HMGN3: variants seen among roughly 807,000 people sequenced by gnomAD.
HMGN3 encodes high mobility group nucleosomal binding domain 3, also known as high mobility group nucleosome-binding domain-containing protein 3.
A neutral mutation model predicts 18.8 loss-of-function variants in HMGN3; 6 were observed. That is an observed-to-expected ratio of 0.32 (90% CI 0.18 to 0.63). HMGN3 has a LOEUF of 0.63. HMGN3 is among the 30% of genes least tolerant of loss of function. HMGN3 has a pLI of 0.79. For synonymous variants in HMGN3, 40 were observed against 36.5 expected, an observed-to-expected ratio of 1.10 and a Z score of -0.35; for missense variants, 107 against 114.2, an observed-to-expected ratio of 0.94 and a Z score of 0.29.
At chr6:79,221,630 A>G (rs1358325051) in intron 1 of HMGN3, among the ~76,000 whole-genome samples, 2 of 152,176 alleles carry the variant, frequency 1.3e-5, no homozygotes, top group Non-Finnish European at 2.9e-5. Context: ...TCCAAACTCA[A>G]GAAGGTATCA....
chr6:79,234,563 T>C, exon 1 of HMGN3: 1 of 1,612,304 alleles, frequency 6.2e-7, no homozygotes, highest in Non-Finnish European at 8.5e-7. Context: ...TTCGGCATAA[T>C]GACTATGTCG....
At position 79,224,742 on chromosome 6, in the gene HMGN3, G is replaced by C. The variant is rs77038760; in HGVS notation, c.16-9720C>G. 8.6e-3 allele frequency among the ~76,000 whole-genome samples: 1,311 copies of C among 152,274 alleles called. 7 individuals are homozygous for C. The highest frequency in any genetic ancestry group is 0.014 in the Non-Finnish European group (931 of 68,004). ...TTCCAAGACGTCAAGTGACCTTCCC[G>C]AGGTAAAAAGTGGCAGAATTCACAC... On this transcript the variant is annotated intron_variant, in intron 1 of 5. Transcript: ENST00000344726.
At chr6:79,205,022 T>A (rs889652265) in intron 3 of HMGN3, among the ~76,000 whole-genome samples, 3 of 152,220 alleles carry the variant, frequency 2.0e-5, no homozygotes, top group African/African-American at 7.2e-5. Context: ...TCAAGTGTTT[T>A]GATAGGACCA....
chr6:79,208,679 T>A, intron 2 of HMGN3, 103 bp from the exon 3 acceptor site: 1 of 905,714 alleles, frequency 1.1e-6, no homozygotes, highest in Non-Finnish European at 1.9e-6. Context: ...GTTGAATGAC[T>A]ATAATGTATG....
At chr6:79,215,612 A>G (rs901806431) in intron 1 of HMGN3, among the ~76,000 whole-genome samples, 1 of 152,192 alleles carries the variant, frequency 6.6e-6, no homozygotes, top group Non-Finnish European at 1.5e-5. Flanking sequence ...TGCCACCCTC[A>G]GCTGATTTAT....
intron 1 of HMGN3, among the ~76,000 whole-genome samples, chr6:79,225,695 TAA>T (rs1777533123): frequency 6.6e-6 from 1 of 152,194 alleles, no homozygotes; most frequent in South Asian, 2.1e-4. Flanking sequence ...GAGAAAATTA[TAA>T]AGAGTCAGAC....
At chr6:79,231,523 T>TA (rs1408012864) in intron 1 of HMGN3, among the ~76,000 whole-genome samples, 4 of 152,310 alleles carry the variant, frequency 2.6e-5, no homozygotes, top group East Asian at 1.9e-4. Flanking sequence ...ATGGCATTTA[T>TA]AAAAAACCAC....
rs1561980826 is a variant in HMGN3 at position 79,202,469 on chromosome 6, A to C, written c.148-80T>G. On this transcript the variant is annotated intron_variant, in intron 4 of 5. Transcript: ENST00000344726. The stretch of plus-strand genomic sequence containing the variant: ...GCTAAAATCAATCAGCCTCTGTCCA[A>C]ACACAAGGTGAAGTACAACCGTTAC... The C allele has an allele frequency of 3.4e-6, 4 of 1,160,758 alleles. No individual in the cohort carries two copies. In the East Asian group the frequency reaches 9.3e-5, roughly 27 times the overall value. The allele number at this position is 1,160,758 out of a possible 1,614,324, so 71.9% of individuals were successfully genotyped here.
At chr6:79,213,445 A>G (rs1269165008) in intron 2 of HMGN3, among the ~76,000 whole-genome samples, 1 of 150,272 alleles carries the variant, frequency 6.7e-6, no homozygotes, top group Non-Finnish European at 1.5e-5. Context: ...GCCAGTCCCT[A>G]AGGAAAAACC....
chr6:79,203,503 T>C (rs1776254548), intron 4 of HMGN3, 77 bp downstream of exon 4: 1 of 1,234,760 alleles, frequency 8.1e-7, no homozygotes, highest in African/African-American at 1.5e-5. Flanking sequence ...ACGGCCTTTC[T>C]TTGAATGATT....
At chr6:79,226,394 G>A (rs993218421) in intron 1 of HMGN3, among the ~76,000 whole-genome samples, 1 of 152,260 alleles carries the variant, frequency 6.6e-6, no homozygotes, top group East Asian at 1.9e-4. Context: ...TTACTGGGTG[G>A]TTGGAAGAAT....
At chr6:79,216,062 A>T (rs879429891) in intron 1 of HMGN3, among the ~76,000 whole-genome samples, 17 of 152,232 alleles carry the variant, frequency 1.1e-4, no homozygotes, top group Non-Finnish European at 2.2e-4. Context: ...AAGAGATCAT[A>T]AAACCCACTG....
chr6:79,201,389 A>C (rs1309678890), exon 6 of HMGN3: 1 of 320,006 alleles, frequency 3.1e-6, no homozygotes, highest in African/African-American at 2.1e-5. Flanking sequence ...GAAAAATTCA[A>C]ATATGCACAG....
chr6:79,212,396 G>T (rs893938850), intron 2 of HMGN3, among the ~76,000 whole-genome samples: 2 of 152,112 alleles, frequency 1.3e-5, no homozygotes, highest in African/African-American at 4.8e-5. Flanking sequence ...TTTCTTCATA[G>T]CTAATATTCA....
intron 1 of HMGN3, among the ~76,000 whole-genome samples, chr6:79,223,420 A>T (rs558924507): frequency 6.6e-6 from 1 of 152,316 alleles, no homozygotes; most frequent in East Asian, 1.9e-4. Flanking sequence ...CTGAGGCAGG[A>T]GAATTGCTTG....
intron 3 of HMGN3, 50 bp downstream of exon 3, chr6:79,208,497 G>T: frequency 7.0e-7 from 1 of 1,422,152 alleles, no homozygotes; most frequent in East Asian, 2.3e-5. Context: ...TTGGACAAAG[G>T]GAACATGTAC....
At position 79,221,486 on chromosome 6, in the gene HMGN3, GGGAAGAAACTT is replaced by G. The variant is rs1192712726; in HGVS notation, c.16-6475_16-6465del. ...TCCAGCAGTCCCTATCAGAAACCAAGGGAAGAAACTTGGAATTTTTATTCCATAGGCCATCC... is the reference window on the plus strand; with the variant it reads ...TCCAGCAGTCCCTATCAGAAACCAAGGGAATTTTTATTCCATAGGCCATCC... On this transcript the variant is annotated intron_variant, in intron 1 of 5. Transcript: ENST00000344726. Among the ~76,000 whole-genome samples, 4 of 152,280 alleles carry G rather than the reference GGGAAGAAACTT, an allele frequency of 2.6e-5. No individual in the cohort carries two copies. The East Asian group carries it at 7.7e-4, about 29-fold the overall frequency.
At chr6:79,225,036 T>C (rs1266625750) in intron 1 of HMGN3, among the ~76,000 whole-genome samples, 1 of 152,228 alleles carries the variant, frequency 6.6e-6, no homozygotes, top group Non-Finnish European at 1.5e-5. Flanking sequence ...TGTTAAAAAA[T>C]GTATTAAATA....
At chr6:79,214,243 C>T (rs1287586806) in intron 2 of HMGN3, among the ~76,000 whole-genome samples, 2 of 150,820 alleles carry the variant, frequency 1.3e-5, no homozygotes. Flanking sequence ...GCTCTGTCAC[C>T]CAGGCTGGAG....
Sources: allele counts gnomAD v4.1 joint callset (sites outside exome capture counted in the v4.1 genomes callset), GRCh38; gene constraint gnomAD v4.1.1; transcripts MANE v1.5; gene names NCBI Gene and HGNC (gene_info 2026-07-23, HGNC 2026-07-21).